The following CDK13 variants were observed in gnomAD, a reference collection of about 807,000 sequenced individuals.
CDK13 encodes the protein cyclin dependent kinase 13, also known as cyclin-dependent kinase 13.
A neutral mutation model predicts 137.6 loss-of-function variants in CDK13; 40 were observed. The observed-to-expected ratio is 0.29, with a 90% CI of 0.23 to 0.38. CDK13 has a LOEUF of 0.38. Ranked by LOEUF, CDK13 falls within the 10% of genes least tolerant of loss-of-function variation. The pLI, the probability that CDK13 is intolerant of heterozygous loss-of-function variation, is 1.00. For missense variants in CDK13, 1,704 were observed against 1,951.8 expected (o/e 0.87, Z 2.39); for synonymous variants, 869 against 760.1 (o/e 1.14, Z -2.36).
At chr7:39,955,314 T>C (rs968662099) in intron 1 of CDK13, among the ~76,000 whole-genome samples, 2 of 152,176 alleles carry the variant, frequency 1.3e-5, no homozygotes, top group African/African-American at 4.8e-5. Context: ...CTAAAAGGTT[T>C]TAAGCGATTT....
chr7:39,972,374 T>A lies in CDK13; in HGVS notation c.1212-15225T>A, dbSNP rs1183693322. ...AGTTACTGTTTTAAACTATAATTTA[T>A]TAGTCTTTAGTCTCTTCATAGCTTT... On this transcript the variant is annotated intron_variant, in intron 1 of 13. Transcript: ENST00000181839. Among the ~76,000 whole-genome samples, 4 of 152,270 alleles carry A rather than the reference T, an allele frequency of 2.6e-5. No individual in the cohort carries two copies. In the East Asian group the frequency reaches 5.8e-4, roughly 22 times the overall value.
In CDK13 at chr7:40,067,048, A is replaced by G. The variant is rs188663384; in HGVS notation, c.2780+3948A>G. Among the ~76,000 whole-genome samples the G allele has an allele frequency of 3.9e-5, 6 of 152,178 alleles. No individual in the cohort carries two copies. In the East Asian group the frequency reaches 1.2e-3, roughly 29 times the overall value. On this transcript the variant is annotated intron_variant, in intron 9 of 13. Coordinates refer to ENST00000181839, the MANE Select transcript of CDK13 (RefSeq NM_003718.5). ...GATAGTTAACATCTATTTAGTTCAT[A>G]TACAATATCAGCATTATTCGAAGAG...
intron 2 of CDK13, 132 bp from the exon 3 acceptor site, chr7:39,997,362 T>C (rs1583965972): frequency 2.7e-6 from 2 of 735,424 alleles, no homozygotes; most frequent in Non-Finnish European, 4.5e-6. Context: ...GGAAAGAAAC[T>C]TGGACAATAG....
At chr7:39,980,001 T>C (rs933014740) in intron 1 of CDK13, among the ~76,000 whole-genome samples, 2 of 152,204 alleles carry the variant, frequency 1.3e-5, no homozygotes. Flanking sequence ...TGGTGACATG[T>C]TGATTTTAGT....
intron 5 of CDK13, among the ~76,000 whole-genome samples, chr7:40,026,181 C>T (rs4723927): frequency 5.9e-5 from 9 of 152,066 alleles, no homozygotes; most frequent in Admixed American, 1.3e-4. Context: ...AGTACCTCAC[C>T]GTTGAAATTA....
intron 2 of CDK13, among the ~76,000 whole-genome samples, chr7:39,992,485 C>A (rs924837053): frequency 6.6e-6 from 1 of 151,924 alleles, no homozygotes; most frequent in Non-Finnish European, 1.5e-5. Flanking sequence ...CATGAGCCAC[C>A]GCTCCCAGCT....
At chr7:40,038,054 C>T (rs1053016630) in intron 5 of CDK13, among the ~76,000 whole-genome samples, 1 of 152,036 alleles carries the variant, frequency 6.6e-6, no homozygotes, top group African/African-American at 2.4e-5. Flanking sequence ...TACTTGGTTT[C>T]AAACTCTAAA....
At chr7:39,952,680 C>T (rs1372201437) in intron 1 of CDK13, 1 of 152,046 alleles carries the variant, frequency 6.6e-6, no homozygotes, top group African/African-American at 2.4e-5. Context: ...ACTTTAAAAG[C>T]TAAGTAGACT....
intron 1 of CDK13, among the ~76,000 whole-genome samples, chr7:39,981,069 G>A (rs1034793048): frequency 6.6e-6 from 1 of 152,116 alleles, no homozygotes; most frequent in Admixed American, 6.5e-5. Flanking sequence ...GGAATATTAG[G>A]AAAACATTTT....
chr7:40,044,923 A>C (rs1490254566), intron 5 of CDK13, among the ~76,000 whole-genome samples: 1 of 152,218 alleles, frequency 6.6e-6, no homozygotes, highest in Non-Finnish European at 1.5e-5. Context: ...GGCATGAGCC[A>C]CTGGCAATTT....
In CDK13 at chr7:39,987,839, C is replaced by G; in HGVS notation, c.1452C>G (p.Ala484=). 6.2e-7 allele frequency: 1 copy of G among 1,614,160 alleles called. No homozygotes were observed. The highest frequency in any genetic ancestry group is 8.5e-7 in the Non-Finnish European group (1 of 1,180,034). The change falls in exon 2 of 14, where the codon GCC becomes GCG. Residue 484 remains alanine (A), a synonymous_variant. Coordinates refer to ENST00000181839, the MANE Select transcript of CDK13 (RefSeq NM_003718.5). ...AEATKAAEAA[A]KAAKASNTST... ...CAACTAAGGCTGCTGAGGCTGCTGC[C>G]AAGGCTGCAAAAGCTTCAAACACTT...
intron 7 of CDK13, among the ~76,000 whole-genome samples, chr7:40,050,384 T>A (rs1221741252): frequency 6.6e-6 from 1 of 152,054 alleles, no homozygotes; most frequent in African/African-American, 2.4e-5. Context: ...TTCTGCTGTT[T>A]AAGAAGCATA....
intron 3 of CDK13, chr7:39,998,688 T>C (rs1364867621): frequency 1.3e-5 from 2 of 152,096 alleles, no homozygotes; most frequent in African/African-American, 2.4e-5. Context: ...TTTATTCTTT[T>C]ACTTGAATTT....
chr7:39,963,627 G>C (rs1583913623), intron 1 of CDK13, among the ~76,000 whole-genome samples: 1 of 151,968 alleles, frequency 6.6e-6, no homozygotes, highest in Non-Finnish European at 1.5e-5. Context: ...TCCTTCTCCT[G>C]CCTGATTGCC....
chr7:39,950,276 G>C lies in CDK13; in HGVS notation c.-366G>C, dbSNP rs1159434067. On this transcript the variant is annotated 5_prime_UTR_variant, in exon 1 of 14. Transcript: ENST00000181839. Reference sequence around the variant, plus strand: ...GTGGTACTTCCGCGTTGCGCTGCCCGAGCCGAGAGCGCGGCCAAGGCCGCT... The same window carrying C: ...GTGGTACTTCCGCGTTGCGCTGCCCCAGCCGAGAGCGCGGCCAAGGCCGCT... 9 of 1,057,460 alleles carry C rather than the reference G, an allele frequency of 8.5e-6. No homozygotes were observed. The highest frequency in any genetic ancestry group is 9.1e-6 in the Non-Finnish European group (8 of 877,010). The allele number at this position is 1,057,460 out of a possible 1,614,324, so 65.5% of individuals were successfully genotyped here. A position where few individuals can be genotyped will look rare whatever the true frequency, so the allele number is the denominator to read the frequency against.
At chr7:40,079,669 C>G (rs778304275) in intron 11 of CDK13, among the ~76,000 whole-genome samples, 6 of 152,066 alleles carry the variant, frequency 3.9e-5, no homozygotes. Context: ...AAGGGTACAG[C>G]CAGCTCTCAA....
chr7:40,083,825 A>G (rs1786723918), intron 11 of CDK13, among the ~76,000 whole-genome samples: 1 of 152,234 alleles, frequency 6.6e-6, no homozygotes, highest in African/African-American at 2.4e-5. Context: ...AAAGAGTATC[A>G]GATTGATCCA....
At chr7:40,006,621 C>T (rs540574758) in intron 5 of CDK13, among the ~76,000 whole-genome samples, 1 of 152,024 alleles carries the variant, frequency 6.6e-6, no homozygotes, top group Non-Finnish European at 1.5e-5. Context: ...CCAGACCAGC[C>T]TGGCCAAGAG....
At chr7:39,982,247 T>C (rs1185515563) in intron 1 of CDK13, among the ~76,000 whole-genome samples, 38 of 150,730 alleles carry the variant, frequency 2.5e-4, no homozygotes, top group Admixed American at 4.0e-4. Context: ...TTCCCACTTA[T>C]GAGTGAGAAC....
Sources: allele counts gnomAD v4.1 joint callset (sites outside exome capture counted in the v4.1 genomes callset), GRCh38; gene constraint gnomAD v4.1.1; transcripts MANE v1.5; gene names NCBI Gene and HGNC (gene_info 2026-07-23, HGNC 2026-07-21).